Variants in PECAM1 observed in about 807,000 individuals in gnomAD.
The protein encoded by PECAM1 is platelet and endothelial cell adhesion molecule 1.
In PECAM1, 8 loss-of-function variants were observed where a neutral mutation model predicts 13.8. The ratio of observed to expected loss-of-function variants is 0.58; its 90% CI spans 0.34 to 1.05. PECAM1 has a LOEUF of 1.05. Among genes scored for constraint, PECAM1 ranks in the 50% least tolerant of loss-of-function variants. PECAM1 has a pLI of 0.03. For synonymous variants in PECAM1, 136 were observed against 52.6 expected, an observed-to-expected ratio of 2.58 and a Z score of -6.86; for missense variants, 304 against 141.2, an observed-to-expected ratio of 2.15 and a Z score of -5.84.
intron 2 of PECAM1, among the ~76,000 whole-genome samples, chr17:64,388,134 C>G (rs951153876): frequency 6.6e-6 from 1 of 152,142 alleles, no homozygotes; most frequent in Non-Finnish European, 1.5e-5. Flanking sequence ...GTACAAAGAA[C>G]ATTCATTCTC....
intron 5 of PECAM1, among the ~76,000 whole-genome samples, chr17:64,368,873 G>A (rs1212691593): frequency 2.3e-5 from 3 of 129,520 alleles, no homozygotes; most frequent in African/African-American, 2.8e-5. Flanking sequence ...AAAAAAAAAA[G>A]AAAAGAAAAT....
At chr17:64,386,684 C>T (rs1256455235) in intron 2 of PECAM1, among the ~76,000 whole-genome samples, 1 of 151,922 alleles carries the variant, frequency 6.6e-6, no homozygotes. Context: ...GTTATCCCAG[C>T]ACTTTCGGAG....
At chr17:64,333,705 C>T (rs963558074) in intron 14 of PECAM1, among the ~76,000 whole-genome samples, 160 of 151,896 alleles carry the variant, frequency 1.1e-3, no homozygotes, top group African/African-American at 3.6e-3. Context: ...GCATTGTAAT[C>T]CCAGCACTTT....
intron 7 of PECAM1, among the ~76,000 whole-genome samples, chr17:64,359,122 A>G (rs1040772898): frequency 2.3e-4 from 35 of 152,186 alleles, no homozygotes; most frequent in Non-Finnish European, 4.7e-4. Flanking sequence ...TTGAAAAGGT[A>G]TGGCTACTAT....
intron 4 of PECAM1, among the ~76,000 whole-genome samples, chr17:64,374,725 A>C (rs1378942489): frequency 1.3e-5 from 2 of 152,050 alleles, no homozygotes; most frequent in African/African-American, 2.4e-5. Flanking sequence ...CAGAGGCTGC[A>C]CTGAGCCAAG....
chr17:64,355,120 C>A (rs2035817929), intron 8 of PECAM1, 80 bp from the exon 9 acceptor site: 1 of 425,882 alleles, frequency 2.3e-6, no homozygotes, highest in Admixed American at 4.2e-5. Flanking sequence ...CAGGCTTAAG[C>A]AACAAAAGTC....
intron 12 of PECAM1, among the ~76,000 whole-genome samples, chr17:64,349,731 A>G (rs2035669861): frequency 6.6e-6 from 1 of 151,844 alleles, no homozygotes; most frequent in Non-Finnish European, 1.5e-5. Flanking sequence ...GTAAAAATAC[A>G]AAAATTAGCC....
chr17:64,351,026 A>G (rs1401069688), intron 11 of PECAM1, among the ~76,000 whole-genome samples: 3 of 151,958 alleles, frequency 2.0e-5, no homozygotes, highest in Non-Finnish European at 4.4e-5. Context: ...ATAAACATGT[A>G]CCACCATGCC....
chr17:64,385,183 A>T (rs111221645), intron 2 of PECAM1, among the ~76,000 whole-genome samples: 8,914 of 152,282 alleles, frequency 0.059, 870 homozygotes, highest in African/African-American at 0.2. Flanking sequence ...AAGAGGTCAG[A>T]TCTTTTCAAC....
intron 2 of PECAM1, among the ~76,000 whole-genome samples, chr17:64,383,039 CA>C (rs1183939356): frequency 2.0e-5 from 3 of 151,756 alleles, no homozygotes; most frequent in African/African-American, 7.3e-5. Context: ...GACTCCATCT[CA>C]AAAAAAATAA....
intron 3 of PECAM1, among the ~76,000 whole-genome samples, chr17:64,375,642 A>G (rs1002744227): frequency 6.6e-6 from 1 of 151,734 alleles, no homozygotes; most frequent in Non-Finnish European, 1.5e-5. Context: ...CAACACGGTG[A>G]AATGCTATCT....
intron 6 of PECAM1, among the ~76,000 whole-genome samples, 182 bp downstream of exon 6, chr17:64,362,967 G>T (rs1209920492): frequency 6.6e-6 from 1 of 152,210 alleles, no homozygotes; most frequent in Non-Finnish European, 1.5e-5. Context: ...ATCATCATCA[G>T]TGAATCAGTG....
At chr17:64,359,758 C>CT (rs11431765) in intron 7 of PECAM1, among the ~76,000 whole-genome samples, 4 of 145,016 alleles carry the variant, frequency 2.8e-5, no homozygotes, top group Middle Eastern at 3.5e-3. Context: ...ACTTCTCTCG[C>CT]TTTTTTTTTT....
chr17:64,336,148 C>A (rs2035269512), intron 14 of PECAM1, among the ~76,000 whole-genome samples: 1 of 151,952 alleles, frequency 6.6e-6, no homozygotes, highest in Non-Finnish European at 1.5e-5. Context: ...TAGCTGTGGT[C>A]CCAGCTACTC....
At chr17:64,369,523 C>T (rs1483882558) in intron 5 of PECAM1, among the ~76,000 whole-genome samples, 2 of 152,194 alleles carry the variant, frequency 1.3e-5, no homozygotes, top group East Asian at 1.9e-4. Context: ...CAGTGAGCGG[C>T]AGGGTTGAGC....
rs1225502082 is a variant in PECAM1 at position 64,380,024 on chromosome 17, C to CAA, written c.92-1909_92-1908dup. ...TAGGTGACAGAGTGAGATCCTGTCT[C>CAA]AAAAAAAAAAAAAAGAAAGAAAAGA... On this transcript the variant is annotated intron_variant, in intron 2 of 15. Coordinates refer to ENST00000563924, the MANE Select transcript of PECAM1 (RefSeq NM_000442.5). Among the ~76,000 whole-genome samples, 207 of 113,884 alleles carry CAA rather than the reference C, an allele frequency of 1.8e-3. 2 individuals are homozygous for CAA. Among genetic ancestry groups the CAA allele is most frequent in the African/African-American group, 6.3e-3 (192 of 30,612 alleles). The allele number at this position is 113,884 out of a possible 152,430, so 74.7% of individuals were successfully genotyped here.
intron 6 of PECAM1, among the ~76,000 whole-genome samples, chr17:64,362,450 C>T (rs2036004360): frequency 2.6e-5 from 4 of 151,966 alleles, no homozygotes; most frequent in African/African-American, 9.7e-5. Flanking sequence ...GAGATGGAGA[C>T]CATCCTGGCT....
chr17:64,325,706 C>T (rs1286443733), intron 15 of PECAM1, among the ~76,000 whole-genome samples: 2 of 152,198 alleles, frequency 1.3e-5, no homozygotes, highest in Non-Finnish European at 2.9e-5. Context: ...CCCTGCACTC[C>T]AGCCTGGGTG....
At chr17:64,380,721 C>T (rs2036463696) in intron 2 of PECAM1, among the ~76,000 whole-genome samples, 1 of 152,168 alleles carries the variant, frequency 6.6e-6, no homozygotes, top group African/African-American at 2.4e-5. Flanking sequence ...AGAAAGGTGG[C>T]TGGATAAGGC....
Sources: allele counts gnomAD v4.1 joint callset (sites outside exome capture counted in the v4.1 genomes callset), GRCh38; gene constraint gnomAD v4.1.1; transcripts MANE v1.5; gene names NCBI Gene and HGNC (gene_info 2026-07-23, HGNC 2026-07-21).